Variants in SNX1 observed in about 807,000 individuals in gnomAD.
SNX1 encodes sorting nexin-1.
In SNX1, 36 loss-of-function variants were observed where a neutral mutation model predicts 71.8. The ratio of observed to expected loss-of-function variants is 0.50; its 90% CI spans 0.38 to 0.66. The LOEUF is 0.66. Among genes scored for constraint, SNX1 ranks in the 30% least tolerant of loss-of-function variants. The pLI, the probability that SNX1 is intolerant of heterozygous loss-of-function variation, is 0.00. For synonymous variants in SNX1, 254 were observed against 240.7 expected (o/e 1.06, Z -0.51); for missense variants, 612 against 646.7 (o/e 0.95, Z 0.58).
rs551693056 is a variant in SNX1 at position 64,120,601 on chromosome 15, C to G, written c.466+1747C>G. On this transcript the variant is annotated intron_variant, in intron 4 of 14. Transcript: ENST00000559844. Reference sequence around the variant, plus strand: ...CCAAGGCAGGAGGATCACTTGAACCCAGGAGTTCAGGACCAGCCTGCCCAA... The same window carrying G: ...CCAAGGCAGGAGGATCACTTGAACCGAGGAGTTCAGGACCAGCCTGCCCAA... Among the ~76,000 whole-genome samples the G allele has an allele frequency of 3.3e-5, 5 of 152,206 alleles. No individual in the cohort carries two copies. The East Asian group carries it at 9.6e-4, about 29-fold the overall frequency.
rs560712990 is a variant in SNX1, at chr15:64,136,809, A to C, written c.1447-52A>C. ...GGTCAGCAATAAACACCACCATCCCATCGAAAGGGAAAGCAAAAACTGGAT... is the reference window on the plus strand; with the variant it reads ...GGTCAGCAATAAACACCACCATCCCCTCGAAAGGGAAAGCAAAAACTGGAT... On this transcript the variant is annotated intron_variant, in intron 13 of 14. Coordinates refer to ENST00000559844, the MANE Select transcript of SNX1 (RefSeq NM_003099.5). The C allele has an allele frequency of 9.2e-5, 128 of 1,395,802 alleles. No individual in the cohort carries two copies. The African/African-American group carries it at 1.7e-3, about 19-fold the overall frequency. 86.5% of individuals were successfully genotyped at this position (1,395,802 alleles called of 1,614,324 possible).
intron 7 of SNX1, 85 bp downstream of exon 7, chr15:64,127,337 T>C: frequency 1.9e-6 from 2 of 1,031,122 alleles, no homozygotes; most frequent in Non-Finnish European, 2.9e-6. Flanking sequence ...GACAGTCCAT[T>C]GAGTTAGAGA....
intron 4 of SNX1, among the ~76,000 whole-genome samples, chr15:64,121,443 C>T (rs1365913414): frequency 6.6e-6 from 1 of 152,176 alleles, no homozygotes; most frequent in Non-Finnish European, 1.5e-5. Flanking sequence ...ATGTGGCATC[C>T]TTCCTAAGCG....
In SNX1 at chr15:64,129,995, G is replaced by A; in HGVS notation, c.887G>A (p.Ser296Asn). ...KMFNKATDAV[S>N]KMTIKMNESD... ...TTCAACAAAGCCACAGATGCCGTCA[G>A]CAAAATGACCATCAAGATGAATGAA... The change falls in exon 9 of 15, where the codon AGC becomes AAC. Residue 296 changes from serine to asparagine, a missense_variant. Transcript: ENST00000559844. The surrounding 1 kb of genome is among the most constrained non-coding windows in gnomAD (Gnocchi z 4.4). 1.9e-6 allele frequency: 3 copies of A among 1,614,046 alleles called. No homozygotes were observed. Among genetic ancestry groups the A allele is most frequent in the Non-Finnish European group, 2.5e-6 (3 of 1,179,926 alleles).
rs547282623 is a variant in SNX1, at chr15:64,104,334, G to A, written c.159+8162G>A. On this transcript the variant is annotated intron_variant, in intron 1 of 14. Coordinates refer to ENST00000559844, the MANE Select transcript of SNX1 (RefSeq NM_003099.5). ...GTCGCCCCAGCTGGAGTGCAGTGGC[G>A]CGATTTTGGCTCACTGCAAGCTCTG... Among the ~76,000 whole-genome samples the A allele has an allele frequency of 2.7e-5, 4 of 148,312 alleles. No homozygotes were observed. In the East Asian group the frequency reaches 8.1e-4, roughly 30 times the overall value.
chr15:64,107,962 G>C (rs1416809095), intron 1 of SNX1, among the ~76,000 whole-genome samples: 1 of 152,134 alleles, frequency 6.6e-6, no homozygotes, highest in Non-Finnish European at 1.5e-5. Context: ...GGGAAGCCGA[G>C]GTGGGTAGAT....
intron 10 of SNX1, among the ~76,000 whole-genome samples, chr15:64,130,664 G>A (rs1290597403): frequency 1.3e-5 from 2 of 152,224 alleles, no homozygotes; most frequent in East Asian, 3.8e-4. Flanking sequence ...CCAGCAATGC[G>A]TAAATGCAAG....
chr15:64,111,010 A>G (rs2081072823), intron 1 of SNX1, among the ~76,000 whole-genome samples: 2 of 152,188 alleles, frequency 1.3e-5, no homozygotes, highest in Non-Finnish European at 1.5e-5. Flanking sequence ...AGTAAATTAC[A>G]TTTGTATACA....
intron 1 of SNX1, among the ~76,000 whole-genome samples, chr15:64,112,068 C>T (rs1213668847): frequency 1.3e-5 from 2 of 152,220 alleles, no homozygotes; most frequent in African/African-American, 4.8e-5. Context: ...CTTTTAACAG[C>T]ATTAGAACGT....
chr15:64,134,248 T>C lies in SNX1; in HGVS notation c.1222-416T>C, dbSNP rs1412308988. The C allele has an allele frequency of 6.3e-6, 1 of 158,538 alleles. No individual in the cohort carries two copies. Among genetic ancestry groups the C allele is most frequent in the African/African-American group, 2.4e-5 (1 of 41,672 alleles). 9.8% of individuals were successfully genotyped at this position (158,538 alleles called of 1,614,324 possible). A position where few individuals can be genotyped will look rare whatever the true frequency, so the allele number is the denominator to read the frequency against. Reference sequence around the variant, plus strand: ...TGTAATGTTGGCCTTTTCCATTAGATGACAAGTTCCATGAAAATGGGACCA... The same window carrying C: ...TGTAATGTTGGCCTTTTCCATTAGACGACAAGTTCCATGAAAATGGGACCA... On this transcript the variant is annotated intron_variant, in intron 11 of 14. Transcript: ENST00000559844. The surrounding 1 kb of genome is among the most constrained non-coding windows in gnomAD (Gnocchi z 4.1).
intron 13 of SNX1, among the ~76,000 whole-genome samples, 164 bp from the exon 14 acceptor site, chr15:64,136,697 C>T (rs2081363364): frequency 1.3e-5 from 2 of 152,288 alleles, no homozygotes; most frequent in South Asian, 4.1e-4. Flanking sequence ...CCAACAAAGC[C>T]TTTCAAGGCC....
intron 1 of SNX1, among the ~76,000 whole-genome samples, chr15:64,097,619 A>C (rs1380515737): frequency 1.3e-5 from 2 of 152,166 alleles, no homozygotes; most frequent in African/African-American, 4.8e-5. Flanking sequence ...TATTAGAAAA[A>C]AATAATCTTT....
chr15:64,135,530 A>T (rs12908351), intron 12 of SNX1, among the ~76,000 whole-genome samples: 1 of 150,572 alleles, frequency 6.6e-6, no homozygotes, highest in African/African-American at 2.4e-5. Flanking sequence ...GGCCAAGGTG[A>T]GTGGATCACG....
chr15:64,124,527 A>AGCCC (rs1388130735), intron 5 of SNX1, among the ~76,000 whole-genome samples: 1 of 150,298 alleles, frequency 6.7e-6, no homozygotes, highest in East Asian at 1.9e-4. Flanking sequence ...AAAAAAAAAT[A>AGCCC]GTATCATGCT....
At chr15:64,107,487 T>A (rs1042226239) in intron 1 of SNX1, among the ~76,000 whole-genome samples, 1 of 152,222 alleles carries the variant, frequency 6.6e-6, no homozygotes, top group African/African-American at 2.4e-5. Context: ...AAGAAAATTG[T>A]GCTAGTGGCC....
At chr15:64,111,181 T>A (rs1004640227) in intron 1 of SNX1, among the ~76,000 whole-genome samples, 1 of 152,178 alleles carries the variant, frequency 6.6e-6, no homozygotes, top group African/African-American at 2.4e-5. Flanking sequence ...GGTTGGTTAT[T>A]GGTGATGTGT....
At chr15:64,113,952 G>A (rs2065228411) in intron 2 of SNX1, among the ~76,000 whole-genome samples, 1 of 152,192 alleles carries the variant, frequency 6.6e-6, no homozygotes, top group Non-Finnish European at 1.5e-5. Flanking sequence ...TGTTTGAGTG[G>A]CAGTCAGTAA....
In SNX1 at chr15:64,130,695, C is replaced by T. The variant is rs575263050; in HGVS notation, c.1015+374C>T. Among the ~76,000 whole-genome samples, 135 of 152,350 alleles carry T rather than the reference C, an allele frequency of 8.9e-4. 2 individuals are homozygous for T. The highest frequency in any genetic ancestry group is 1.6e-3 in the Admixed American group (24 of 15,310). On this transcript the variant is annotated intron_variant, in intron 10 of 14. Coordinates refer to ENST00000559844, the MANE Select transcript of SNX1 (RefSeq NM_003099.5). ...GCAAGGAAACCACCTGTCTCCTAAT[C>T]CTTCTGCATCTCTCTTTAGTGAAAT...
At chr15:64,130,663 C>T (rs1021915844) in intron 10 of SNX1, among the ~76,000 whole-genome samples, 3 of 152,324 alleles carry the variant, frequency 2.0e-5, no homozygotes, top group African/African-American at 4.8e-5. Flanking sequence ...ACCAGCAATG[C>T]GTAAATGCAA....
Sources: allele counts gnomAD v4.1 joint callset (sites outside exome capture counted in the v4.1 genomes callset), GRCh38; gene constraint gnomAD v4.1.1; non-coding constraint Gnocchi (gnomAD v3.1); transcripts MANE v1.5; gene names NCBI Gene and HGNC (gene_info 2026-07-23, HGNC 2026-07-21).